DOCK1: variants seen among roughly 807,000 people sequenced by gnomAD.
DOCK1 encodes the protein dedicator of cytokinesis 1.
DOCK1 carries 138 observed loss-of-function variants against 262.7 expected under a neutral mutation model. That is an observed-to-expected ratio of 0.53 (90% CI 0.46 to 0.61). The LOEUF is 0.61. Ranked by LOEUF, DOCK1 falls within the 20% of genes least tolerant of loss-of-function variation. The probability of loss-of-function intolerance (pLI) is 0.00; values close to 1 mark genes in which losing one functional copy is unlikely to be tolerated. For missense variants in DOCK1, 1,908 were observed against 2,370.7 expected, an observed-to-expected ratio of 0.80 and a Z score of 4.05; for synonymous variants, 866 against 867.4, an observed-to-expected ratio of 1.00 and a Z score of 0.03.
chr10:127,249,906 A>G (rs1455581118), intron 28 of DOCK1, among the ~76,000 whole-genome samples: 4 of 152,218 alleles, frequency 2.6e-5, no homozygotes, highest in Non-Finnish European at 1.5e-5. Context: ...TTTTCCCTGA[A>G]TATTAATAAG....
At position 127,176,901 on chromosome 10, in the gene DOCK1, T is replaced by C. The variant is rs2055211472; in HGVS notation, c.2847+49137T>C. On this transcript the variant is annotated intron_variant, in intron 27 of 51. Coordinates refer to ENST00000623213, the MANE Select transcript of DOCK1 (RefSeq NM_001290223.2). This position sits in a 1 kb window ranked among gnomAD's most constrained non-coding sequence, Gnocchi z 4.4. ...CTGGAGCTGCCACGTCTCGAGCAGATAAATGTGGAGAGCCCTCCGAGGAGG... is the reference window on the plus strand; with the variant it reads ...CTGGAGCTGCCACGTCTCGAGCAGACAAATGTGGAGAGCCCTCCGAGGAGG... 1 of 153,476 alleles carries C rather than the reference T, an allele frequency of 6.5e-6. No individual in the cohort carries two copies. Among genetic ancestry groups the C allele is most frequent in the African/African-American group, 2.4e-5 (1 of 41,442 alleles). 9.5% of individuals were successfully genotyped at this position (153,476 alleles called of 1,614,324 possible).
chr10:127,266,723 C>T (rs551161560), intron 29 of DOCK1, among the ~76,000 whole-genome samples: 1 of 152,152 alleles, frequency 6.6e-6, no homozygotes, highest in Non-Finnish European at 1.5e-5. Flanking sequence ...AATTGAAACT[C>T]AGTATAGTGA....
At chr10:127,429,890 C>T (rs936305356) in intron 47 of DOCK1, among the ~76,000 whole-genome samples, 34 of 152,346 alleles carry the variant, frequency 2.2e-4, no homozygotes, top group African/African-American at 7.9e-4. Context: ...TGTTGGCCTT[C>T]AGGCTTGTGA....
chr10:126,943,487 G>A (rs2035170852), intron 1 of DOCK1, among the ~76,000 whole-genome samples: 2 of 152,172 alleles, frequency 1.3e-5, no homozygotes, highest in South Asian at 2.1e-4. Context: ...GAGGTTAAAC[G>A]AGTAAGTGTA....
Position 127,137,821 on chromosome 10 carries a change from C to A in DOCK1, c.2847+10057C>A, listed in dbSNP as rs766456642. 9 of 1,605,430 alleles carry A rather than the reference C, an allele frequency of 5.6e-6. 1 individual carries two copies. The South Asian group carries it at 1.0e-4, about 18-fold the overall frequency. ...GGGTTCTAAAGACGGCCTCGAGACT[C>A]CAGACACCGTGAGTGTTAAAGGAAC... On this transcript the variant is annotated intron_variant, in intron 27 of 51. Coordinates refer to ENST00000623213, the MANE Select transcript of DOCK1 (RefSeq NM_001290223.2).
chr10:127,197,341 AGACCTAGGATGCACACG>A (rs1216843795), intron 27 of DOCK1, among the ~76,000 whole-genome samples: 2 of 152,124 alleles, frequency 1.3e-5, no homozygotes, highest in Non-Finnish European at 2.9e-5. Context: ...GGAGAGGAAA[AGACCTAGGATGCACACG>A]GAGCTATCCC....
chr10:127,037,886 T>G, intron 19 of DOCK1, 70 bp downstream of exon 19: 1 of 1,207,588 alleles, frequency 8.3e-7, no homozygotes, highest in Non-Finnish European at 1.1e-6. Flanking sequence ...TTAACAGAAG[T>G]AGGCAGTGAC....
At chr10:126,913,891 G>T (rs968188072) in intron 1 of DOCK1, among the ~76,000 whole-genome samples, 1 of 152,170 alleles carries the variant, frequency 6.6e-6, no homozygotes, top group Non-Finnish European at 1.5e-5. Flanking sequence ...CACCTTGGGG[G>T]TTATTTACCT....
At chr10:127,149,714 C>G (rs1444813575) in intron 27 of DOCK1, among the ~76,000 whole-genome samples, 1 of 150,344 alleles carries the variant, frequency 6.7e-6, no homozygotes, top group East Asian at 2.0e-4. Context: ...TATGACATTA[C>G]AATGTGTGAA....
At chr10:127,126,542 G>T (rs970602510) in intron 26 of DOCK1, among the ~76,000 whole-genome samples, 1 of 152,088 alleles carries the variant, frequency 6.6e-6, no homozygotes, top group African/African-American at 2.4e-5. Flanking sequence ...ACCAGCCTGG[G>T]CAACATAGTG....
chr10:127,407,363 G>A (rs1368608183), intron 40 of DOCK1, among the ~76,000 whole-genome samples: 1 of 152,112 alleles, frequency 6.6e-6, no homozygotes, highest in Non-Finnish European at 1.5e-5. Flanking sequence ...GTTCTCATGG[G>A]GTGGAAAGGG....
intron 38 of DOCK1, among the ~76,000 whole-genome samples, chr10:127,401,798 C>T (rs2067240602): frequency 6.6e-6 from 1 of 152,224 alleles, no homozygotes; most frequent in Admixed American, 6.5e-5. Context: ...CCCTCTCCTG[C>T]CCCGCTCATG....
intron 1 of DOCK1, among the ~76,000 whole-genome samples, chr10:126,939,555 C>A (rs2034833050): frequency 6.6e-6 from 1 of 152,104 alleles, no homozygotes; most frequent in South Asian, 2.1e-4. Context: ...TTTAATTTTT[C>A]TCTCGTTTGT....
At chr10:127,105,997 T>C (rs1024334916) in intron 23 of DOCK1, among the ~76,000 whole-genome samples, 1 of 152,168 alleles carries the variant, frequency 6.6e-6, no homozygotes, top group Non-Finnish European at 1.5e-5. Flanking sequence ...ACTCCTGAGC[T>C]GAAGCGATCT....
At chr10:127,389,858 A>G (rs1374854063) in intron 38 of DOCK1, among the ~76,000 whole-genome samples, 2 of 152,088 alleles carry the variant, frequency 1.3e-5, no homozygotes, top group Non-Finnish European at 2.9e-5. Context: ...TACTGAAAAT[A>G]CAAAAATTAG....
intron 1 of DOCK1, among the ~76,000 whole-genome samples, chr10:126,915,662 A>G (rs933650561): frequency 1.3e-5 from 2 of 152,170 alleles, no homozygotes; most frequent in African/African-American, 2.4e-5. Context: ...TGTGTTAGCC[A>G]GGATGGTCTC....
intron 31 of DOCK1, among the ~76,000 whole-genome samples, chr10:127,349,787 G>A (rs980260373): frequency 3.9e-5 from 6 of 152,100 alleles, no homozygotes; most frequent in Non-Finnish European, 7.4e-5. Flanking sequence ...TTGGCATTCC[G>A]TGGCTTGTGG....
intron 51 of DOCK1, among the ~76,000 whole-genome samples, chr10:127,448,605 A>C (rs1250539616): frequency 6.6e-6 from 1 of 152,154 alleles, no homozygotes; most frequent in African/African-American, 2.4e-5. Flanking sequence ...TCCCCAGGCC[A>C]TGTTATTCAC....
intron 38 of DOCK1, among the ~76,000 whole-genome samples, chr10:127,401,747 TCTGACGGTCAC>T (rs2067237126): frequency 6.6e-6 from 1 of 152,184 alleles, no homozygotes; most frequent in South Asian, 2.1e-4. Flanking sequence ...CTGACCATCA[TCTGACGGTCAC>T]CTGACTTTCC....
Sources: gnomAD v4.1 joint callset for allele counts (sites outside exome capture counted in the v4.1 genomes callset) on GRCh38, gnomAD v4.1.1 for gene constraint, Gnocchi (gnomAD v3.1) non-coding constraint, MANE v1.5 for transcripts, NCBI Gene and HGNC (gene_info 2026-07-23, HGNC 2026-07-21) for gene names.